The following M1AP variants were observed in gnomAD, a reference collection of about 807,000 sequenced individuals.
M1AP encodes meiosis 1 arrest protein.
A neutral mutation model predicts 51.2 loss-of-function variants in M1AP; 39 were observed. The observed-to-expected ratio is 0.76, with a 90% CI of 0.59 to 1.00. M1AP has a LOEUF of 1.00. M1AP is among the 50% of genes least tolerant of loss of function. The pLI, the probability that M1AP is intolerant of heterozygous loss-of-function variation, is 0.00. For missense variants in M1AP, 545 were observed against 641.2 expected (o/e 0.85, Z 1.62); for synonymous variants, 251 against 249.2 (o/e 1.01, Z -0.07).
chr2:74,583,336 C>G (rs1324367853), intron 4 of M1AP, among the ~76,000 whole-genome samples: 1 of 152,164 alleles, frequency 6.6e-6, no homozygotes, highest in Non-Finnish European at 1.5e-5. Context: ...CTGTATCTCA[C>G]AAGTGTGGTT....
chr2:74,616,472 C>T (rs895759502), intron 2 of M1AP, among the ~76,000 whole-genome samples: 1 of 151,892 alleles, frequency 6.6e-6, no homozygotes, highest in Non-Finnish European at 1.5e-5. Context: ...CTCTTTTTTT[C>T]CCAAGAGATA....
intron 4 of M1AP, among the ~76,000 whole-genome samples, chr2:74,587,692 C>A (rs1213418179): frequency 6.6e-6 from 1 of 152,050 alleles, no homozygotes; most frequent in Non-Finnish European, 1.5e-5. Flanking sequence ...GAGCAGGGTA[C>A]CCATGCACTA....
chr2:74,560,383 G>A, intron 8 of M1AP, 92 bp from the exon 9 acceptor site: 1 of 1,363,496 alleles, frequency 7.3e-7, no homozygotes, highest in Non-Finnish European at 1.0e-6. Context: ...AGGGGCTGGA[G>A]GAAGTGTGAA....
chr2:74,604,075 C>T (rs1680829201), intron 4 of M1AP, among the ~76,000 whole-genome samples: 1 of 152,308 alleles, frequency 6.6e-6, no homozygotes, highest in Admixed American at 6.5e-5. Flanking sequence ...GACTTCCTGA[C>T]TAAAATATTT....
chr2:74,621,977 G>A (rs1157350465), intron 2 of M1AP, among the ~76,000 whole-genome samples: 25 of 149,508 alleles, frequency 1.7e-4, no homozygotes, highest in Middle Eastern at 6.9e-3. Flanking sequence ...AAAATGAGCC[G>A]GGTGTGGTGG....
intron 7 of M1AP, among the ~76,000 whole-genome samples, chr2:74,574,558 A>T (rs1269487224): frequency 1.3e-5 from 2 of 152,122 alleles, no homozygotes; most frequent in Non-Finnish European, 2.9e-5. Context: ...TCATGTTTCC[A>T]TTTTTGCTTC....
chr2:74,607,498 G>T (rs1257311677), intron 3 of M1AP, among the ~76,000 whole-genome samples: 1 of 152,054 alleles, frequency 6.6e-6, no homozygotes, highest in Admixed American at 6.5e-5. Context: ...TTTTGAGACG[G>T]AGTCTTGCTC....
chr2:74,573,203 C>T (rs1300671143), intron 7 of M1AP, among the ~76,000 whole-genome samples: 1 of 151,806 alleles, frequency 6.6e-6, no homozygotes, highest in Non-Finnish European at 1.5e-5. Context: ...TCTGCCACCA[C>T]GCCCAGCTAA....
intron 3 of M1AP, among the ~76,000 whole-genome samples, chr2:74,607,720 C>T (rs1297248029): frequency 6.6e-6 from 1 of 152,076 alleles, no homozygotes; most frequent in Non-Finnish European, 1.5e-5. Context: ...GTGATCCGCC[C>T]GCCCCGGCCT....
chr2:74,578,296 T>C (rs1169514483), intron 5 of M1AP, among the ~76,000 whole-genome samples: 2 of 152,202 alleles, frequency 1.3e-5, no homozygotes, highest in African/African-American at 2.4e-5. Flanking sequence ...TTGGGGTGCA[T>C]GTGCACAATG....
At chr2:74,581,584 A>C (rs1679406272) in intron 5 of M1AP, 90 bp downstream of exon 5, 1 of 1,285,970 alleles carries the variant, frequency 7.8e-7, no homozygotes, top group East Asian at 2.3e-5. Flanking sequence ...AACCTCAACG[A>C]TGCTATATTC....
At chr2:74,610,134 T>TGAG (rs917281613) in intron 3 of M1AP, among the ~76,000 whole-genome samples, 17 of 152,150 alleles carry the variant, frequency 1.1e-4, no homozygotes, top group African/African-American at 4.1e-4. Flanking sequence ...CCCATGTAGC[T>TGAG]GAAACCACAG....
chr2:74,607,055 C>T lies in M1AP; in HGVS notation c.595G>A (p.Glu199Lys), dbSNP rs1208026828. ...TTTTACCTTGTTAAAAAATTCTTAC[C>T]ATCATTGCTGGTATCCTCAACAGGA... The part of the protein sequence containing the change: ...ASPVEDTSND[E>K]SSILGTDIDL... Residue 199 changes from glutamate to lysine, a missense_variant and splice_region_variant, in exon 4 of 11, where the codon GAG becomes AAG. Transcript: ENST00000421985. 1 of 1,612,300 alleles carries T rather than the reference C, an allele frequency of 6.2e-7. No individual in the cohort carries two copies. Among genetic ancestry groups the T allele is most frequent in the Non-Finnish European group, 8.5e-7 (1 of 1,179,228 alleles).
rs541662334 is a variant in M1AP, at chr2:74,637,835, C to T, written c.240+2201G>A. On this transcript the variant is annotated intron_variant, in intron 2 of 10. Coordinates refer to ENST00000421985, the MANE Select transcript of M1AP (RefSeq NM_001321739.2). ...TGGCCTTGGGTAGTTTCCTCATGTG[C>T]ATGTACTGATCAGTACTCTGCTGAA... Among the ~76,000 whole-genome samples, 38 of 152,236 alleles carry T rather than the reference C, an allele frequency of 2.5e-4. No homozygotes were observed. In the East Asian group the frequency reaches 7.1e-3, roughly 29 times the overall value.
At chr2:74,645,819 A>G (rs536260737) in intron 1 of M1AP, among the ~76,000 whole-genome samples, 181 of 152,310 alleles carry the variant, frequency 1.2e-3, no homozygotes, top group African/African-American at 4.1e-3. Flanking sequence ...GTTGCTGTTT[A>G]ACATCACCAG....
intron 4 of M1AP, among the ~76,000 whole-genome samples, chr2:74,591,618 C>G (rs1680040605): frequency 6.6e-6 from 1 of 152,058 alleles, no homozygotes; most frequent in African/African-American, 2.4e-5. Flanking sequence ...ACCCAAGAAC[C>G]ACACCAAGCA....
intron 4 of M1AP, among the ~76,000 whole-genome samples, chr2:74,602,104 A>G (rs1680709486): frequency 1.3e-5 from 2 of 152,346 alleles, no homozygotes; most frequent in South Asian, 4.1e-4. Flanking sequence ...AATTTATGAT[A>G]TTCATGAGTT....
chr2:74,644,074 C>CT, intron 1 of M1AP, among the ~76,000 whole-genome samples: 1 of 152,106 alleles, frequency 6.6e-6, no homozygotes, highest in East Asian at 1.9e-4. Context: ...AAAAAGATAG[C>CT]TAAAAAATAT....
intron 2 of M1AP, among the ~76,000 whole-genome samples, chr2:74,630,027 A>G (rs922723862): frequency 2.6e-5 from 4 of 151,634 alleles, no homozygotes; most frequent in South Asian, 2.1e-4. Context: ...TGCAACTTCA[A>G]CCTCTGGGGC....
Sources: allele counts gnomAD v4.1 joint callset (sites outside exome capture counted in the v4.1 genomes callset), GRCh38; gene constraint gnomAD v4.1.1; transcripts MANE v1.5; gene names NCBI Gene and HGNC (gene_info 2026-07-23, HGNC 2026-07-21).